Variants in FNDC3B observed in about 807,000 individuals in gnomAD.
The protein encoded by FNDC3B is fibronectin type III domain-containing protein 3B.
In FNDC3B, 12 loss-of-function variants were observed where a neutral mutation model predicts 151.5. That is an observed-to-expected ratio of 0.08 (90% confidence interval 0.05 to 0.13). FNDC3B has a LOEUF of 0.13. Among genes scored for constraint, FNDC3B ranks in the 10% least tolerant of loss-of-function variants. The probability of loss-of-function intolerance (pLI) is 1.00; values close to 1 mark genes in which losing one functional copy is unlikely to be tolerated. For synonymous variants in FNDC3B, 528 were observed against 549.0 expected (o/e 0.96, Z 0.54); for missense variants, 1,214 against 1,505.3 (o/e 0.81, Z 3.20).
intron 1 of FNDC3B, among the ~76,000 whole-genome samples, chr3:172,081,108 T>C (rs1250336802): frequency 6.6e-6 from 1 of 152,230 alleles, no homozygotes; most frequent in Non-Finnish European, 1.5e-5. Context: ...TTCGGTTGAC[T>C]TTTTTATCCC....
chr3:172,287,099 A>G (rs1376974353), intron 7 of FNDC3B, among the ~76,000 whole-genome samples: 1 of 152,154 alleles, frequency 6.6e-6, no homozygotes, highest in African/African-American at 2.4e-5. Context: ...TGCTTCCTCT[A>G]AGATGCCTTC....
Position 172,298,896 on chromosome 3 carries a change from T to G in FNDC3B, c.1061+109T>G, listed in dbSNP as rs534111406. The G allele has an allele frequency of 3.4e-5, 24 of 706,714 alleles. No individual in the cohort carries two copies. The Admixed American group carries it at 5.7e-4, about 17-fold the overall frequency. 43.8% of individuals were successfully genotyped at this position (706,714 alleles called of 1,614,324 possible). A position where few individuals can be genotyped will look rare whatever the true frequency, so the allele number is the denominator to read the frequency against. Reference sequence around the variant, plus strand: ...TGAATGTTGCTTACCTTGCTGAAAGTTGTAGAACCATGGCTTATGGGCCAT... The same window carrying G: ...TGAATGTTGCTTACCTTGCTGAAAGGTGTAGAACCATGGCTTATGGGCCAT... On this transcript the variant is annotated intron_variant, in intron 9 of 25. Transcript: ENST00000415807.
At chr3:172,246,769 A>G (rs1052602442) in intron 4 of FNDC3B, among the ~76,000 whole-genome samples, 1 of 152,222 alleles carries the variant, frequency 6.6e-6, no homozygotes, top group Non-Finnish European at 1.5e-5. Flanking sequence ...CTAAAAATAA[A>G]TAATGAACAA....
rs764877604 is a variant in FNDC3B at position 172,133,458 on chromosome 3, G to T, written c.112-13G>T. On this transcript the variant is annotated splice_polypyrimidine_tract_variant and intron_variant, in intron 2 of 25. Transcript: ENST00000415807. ...TCCAGTATTAAACTGAAATTAATGT[G>T]TTGTTTTGGCAGGTTATTCTCGTTC... 2 of 1,605,932 alleles carry T rather than the reference G, an allele frequency of 1.2e-6. No homozygotes were observed. Among genetic ancestry groups the T allele is most frequent in the Non-Finnish European group, 8.5e-7 (1 of 1,173,702 alleles).
At chr3:172,058,778 T>C (rs1396851539) in intron 1 of FNDC3B, among the ~76,000 whole-genome samples, 1 of 152,234 alleles carries the variant, frequency 6.6e-6, no homozygotes, top group Non-Finnish European at 1.5e-5. Flanking sequence ...CTGTAGTTTC[T>C]ATTAAACAGA....
chr3:172,265,853 A>C (rs560926616), intron 6 of FNDC3B, among the ~76,000 whole-genome samples: 307 of 152,340 alleles, frequency 2.0e-3, no homozygotes, highest in African/African-American at 7.1e-3. Flanking sequence ...ATTAGAAAGC[A>C]TATTGTCTGT....
intron 3 of FNDC3B, among the ~76,000 whole-genome samples, chr3:172,141,066 G>C (rs1721603856): frequency 6.6e-6 from 1 of 152,098 alleles, no homozygotes. Flanking sequence ...CTATCTGATA[G>C]GATTGTGAGG....
chr3:172,255,796 TCTC>T (rs1015462929), intron 6 of FNDC3B, among the ~76,000 whole-genome samples: 8 of 152,136 alleles, frequency 5.3e-5, no homozygotes, highest in African/African-American at 1.2e-4. Flanking sequence ...ATCTCACACA[TCTC>T]CTCGTCACCT....
intron 7 of FNDC3B, among the ~76,000 whole-genome samples, chr3:172,292,168 G>C (rs1310988076): frequency 6.6e-6 from 1 of 152,212 alleles, no homozygotes; most frequent in Non-Finnish European, 1.5e-5. Context: ...GTGAAAGGGA[G>C]AGAGCAGGAG....
At chr3:172,347,578 C>A (rs1057081170) in intron 21 of FNDC3B, among the ~76,000 whole-genome samples, 6 of 152,182 alleles carry the variant, frequency 3.9e-5, no homozygotes, top group Admixed American at 3.9e-4. Context: ...AAATAAGATT[C>A]TTCTCCATTC....
At chr3:172,310,724 G>C (rs1731430075) in intron 10 of FNDC3B, 104 bp from the exon 11 acceptor site, 1 of 839,852 alleles carries the variant, frequency 1.2e-6, no homozygotes, top group Admixed American at 1.8e-5. Flanking sequence ...CCCCTGAGGG[G>C]AGAGCACAGG....
chr3:172,333,509 T>G (rs13087587), intron 14 of FNDC3B, among the ~76,000 whole-genome samples: 14 of 84,890 alleles, frequency 1.6e-4, no homozygotes, highest in East Asian at 9.3e-4. Context: ...TTTTTTTTTT[T>G]TTTTTTTGTA....
At chr3:172,086,555 CTT>C (rs1026299566) in intron 1 of FNDC3B, among the ~76,000 whole-genome samples, 6 of 152,130 alleles carry the variant, frequency 3.9e-5, no homozygotes, top group African/African-American at 1.2e-4. Context: ...TTATGTGACT[CTT>C]TATGTAAAAA....
intron 4 of FNDC3B, among the ~76,000 whole-genome samples, chr3:172,245,230 T>G (rs191907003): frequency 2.2e-4 from 33 of 152,350 alleles, no homozygotes; most frequent in Non-Finnish European, 5.9e-5. Context: ...ATAAATTTTT[T>G]CGTTATAAAT....
At chr3:172,321,762 T>G (rs547355477) in intron 11 of FNDC3B, 11 of 191,268 alleles carry the variant, frequency 5.8e-5, no homozygotes, top group Non-Finnish European at 1.0e-4. Flanking sequence ...TTATTTTTTA[T>G]AAATTTTTTT....
At chr3:172,209,166 G>A (rs1725593131) in intron 3 of FNDC3B, among the ~76,000 whole-genome samples, 1 of 152,174 alleles carries the variant, frequency 6.6e-6, no homozygotes, top group African/African-American at 2.4e-5. Context: ...TTGTGTTACA[G>A]CTCTTTCAGT....
intron 3 of FNDC3B, among the ~76,000 whole-genome samples, chr3:172,200,356 A>G (rs1467672904): frequency 6.6e-6 from 1 of 152,228 alleles, no homozygotes; most frequent in Non-Finnish European, 1.5e-5. Flanking sequence ...ATGATGTTGA[A>G]TGAAACGTTA....
At chr3:172,261,109 C>T (rs1728624173) in intron 6 of FNDC3B, among the ~76,000 whole-genome samples, 1 of 152,196 alleles carries the variant, frequency 6.6e-6, no homozygotes, top group South Asian at 2.1e-4. Flanking sequence ...TTACACCTGG[C>T]AACTTGTACA....
intron 6 of FNDC3B, among the ~76,000 whole-genome samples, chr3:172,282,007 T>C (rs777041117): frequency 4.6e-5 from 7 of 152,192 alleles, no homozygotes; most frequent in Non-Finnish European, 1.0e-4. Flanking sequence ...AACTGTTTTA[T>C]GGAAAGAGTG....
Sources: gnomAD v4.1 joint callset for allele counts (sites outside exome capture counted in the v4.1 genomes callset) on GRCh38, gnomAD v4.1.1 for gene constraint, MANE v1.5 for transcripts, NCBI Gene and HGNC (gene_info 2026-07-23, HGNC 2026-07-21) for gene names.